Variants in LIMCH1 observed in about 807,000 individuals in gnomAD.
LIMCH1 encodes the protein LIM and calponin homology domains-containing protein 1.
Under a neutral mutation model 176.5 loss-of-function variants are expected in LIMCH1, and 113 were observed. The ratio of observed to expected loss-of-function variants is 0.64; its 90% CI spans 0.55 to 0.75. The LOEUF (loss-of-function observed/expected upper bound fraction) is 0.75. Among genes scored for constraint, LIMCH1 ranks in the 30% least tolerant of loss-of-function variants. The pLI is 0.00. For missense variants in LIMCH1, 1,674 were observed against 1,814.9 expected, an observed-to-expected ratio of 0.92 and a Z score of 1.41; for synonymous variants, 619 against 645.9, an observed-to-expected ratio of 0.96 and a Z score of 0.63.
chr4:41,448,175 T>C (rs1191856066), intron 1 of LIMCH1, among the ~76,000 whole-genome samples: 4 of 152,188 alleles, frequency 2.6e-5, no homozygotes, highest in Admixed American at 6.5e-5. Flanking sequence ...GCATTATTGC[T>C]CTCTCTTGTG....
At chr4:41,410,152 G>A (rs1181934630) in intron 1 of LIMCH1, among the ~76,000 whole-genome samples, 1 of 152,088 alleles carries the variant, frequency 6.6e-6, no homozygotes, top group Non-Finnish European at 1.5e-5. Flanking sequence ...AAAGAGTCAG[G>A]GCTGATTTTA....
chr4:41,666,194 TA>T (rs1359822300), intron 20 of LIMCH1, among the ~76,000 whole-genome samples: 1 of 152,218 alleles, frequency 6.6e-6, no homozygotes, highest in East Asian at 1.9e-4. Context: ...GTGGAACATC[TA>T]AATCTCCTGA....
At chr4:41,644,648 CG>C in intron 15 of LIMCH1, 22 bp downstream of exon 15, 1 of 1,590,604 alleles carries the variant, frequency 6.3e-7, no homozygotes, top group Non-Finnish European at 8.6e-7. Flanking sequence ...CCAAGGCGCG[CG>C]GGCAGCGGGG....
intron 18 of LIMCH1, 103 bp downstream of exon 18, chr4:41,650,711 G>A (rs2094258403): frequency 9.9e-7 from 1 of 1,006,418 alleles, no homozygotes; most frequent in Admixed American, 2.6e-5. Context: ...TTCTTTCTAT[G>A]TTGGCGTATT....
At chr4:41,584,676 T>TTTTG (rs941684135) in intron 1 of LIMCH1, among the ~76,000 whole-genome samples, 8 of 152,314 alleles carry the variant, frequency 5.3e-5, no homozygotes, top group Admixed American at 1.3e-4. Context: ...TTGCTGTTTT[T>TTTTG]TTTGTTTGTT....
chr4:41,593,965 A>G (rs55824127), intron 1 of LIMCH1, among the ~76,000 whole-genome samples: 13,062 of 152,132 alleles, frequency 0.086, 1,806 homozygotes, highest in African/African-American at 0.3. Flanking sequence ...ACGTGTGAAC[A>G]TATATATACA....
At chr4:41,419,468 C>G (rs957508408) in intron 1 of LIMCH1, among the ~76,000 whole-genome samples, 1 of 152,124 alleles carries the variant, frequency 6.6e-6, no homozygotes, top group East Asian at 1.9e-4. Flanking sequence ...GCCACCATAC[C>G]CGGCCAAGTC....
intron 3 of LIMCH1, among the ~76,000 whole-genome samples, chr4:41,528,624 G>A (rs79950281): frequency 0.22 from 32,832 of 152,120 alleles, 3,836 homozygotes; most frequent in African/African-American, 0.26. Context: ...CTGACCGTCT[G>A]TTGATCAAGA....
At chr4:41,661,834 C>CA (rs1203463867) in intron 19 of LIMCH1, 1 of 381,618 alleles carries the variant, frequency 2.6e-6, no homozygotes. Context: ...TTTTGACACA[C>CA]AGTAACAGCA....
At chr4:41,645,962 C>T (rs1354109564) in intron 15 of LIMCH1, among the ~76,000 whole-genome samples, 161 bp from the exon 16 acceptor site, 2 of 152,220 alleles carry the variant, frequency 1.3e-5, no homozygotes, top group East Asian at 3.8e-4. Context: ...ATTCCAGTTC[C>T]AACCAGACTT....
intron 1 of LIMCH1, among the ~76,000 whole-genome samples, chr4:41,578,200 C>T (rs897989462): frequency 7.9e-5 from 12 of 152,164 alleles, no homozygotes; most frequent in Non-Finnish European, 1.5e-4. Context: ...AACTTACAAT[C>T]ATGGCGTAGA....
intron 14 of LIMCH1, among the ~76,000 whole-genome samples, chr4:41,642,615 G>C (rs563788610): frequency 6.6e-6 from 1 of 151,968 alleles, no homozygotes; most frequent in Non-Finnish European, 1.5e-5. Flanking sequence ...CTGGAGTGCA[G>C]TGATGTAATC....
At chr4:41,600,613 C>A (rs368788483) in intron 2 of LIMCH1, among the ~76,000 whole-genome samples, 4 of 152,052 alleles carry the variant, frequency 2.6e-5, no homozygotes, top group East Asian at 3.8e-4. Flanking sequence ...AACTGGGCAT[C>A]AGGAAAATGA....
chr4:41,545,438 A>C (rs2079239293), intron 1 of LIMCH1, among the ~76,000 whole-genome samples: 1 of 152,168 alleles, frequency 6.6e-6, no homozygotes, highest in Non-Finnish European at 1.5e-5. Context: ...ACGAGGGGAG[A>C]GTTACTGTGG....
Position 41,646,144 on chromosome 4 carries a change from C to A in LIMCH1, c.2275C>A (p.Arg759Ser). The part of the protein sequence containing the change: ...WQDDLARWKS[R>S]RRSVSQDLIK... ...CCAGGACCTGGCTCGTTGGAAGAGTCGTAGAAGAAGTGTTTCTCAGGACTT... is the reference window on the plus strand; with the variant it reads ...CCAGGACCTGGCTCGTTGGAAGAGTAGTAGAAGAAGTGTTTCTCAGGACTT... The change falls in exon 16 of 32, where the codon CGT becomes AGT. Residue 759 changes from arginine (R) to serine (S), a missense_variant. Physicochemically the swap from Arg to Ser is moderately radical, Grantham distance 110. Transcript: ENST00000503057. 6.2e-7 allele frequency: 1 copy of A among 1,611,760 alleles called. No homozygotes were observed.
intron 1 of LIMCH1, among the ~76,000 whole-genome samples, chr4:41,421,112 T>A (rs2060570625): frequency 6.6e-6 from 1 of 152,198 alleles, no homozygotes; most frequent in Non-Finnish European, 1.5e-5. Flanking sequence ...GTATTGATAT[T>A]CTGAAGCTAG....
intron 1 of LIMCH1, among the ~76,000 whole-genome samples, chr4:41,424,981 T>C (rs1462577400): frequency 6.6e-6 from 1 of 152,198 alleles, no homozygotes; most frequent in Non-Finnish European, 1.5e-5. Context: ...TGTCTCTCAA[T>C]TGTAAAAATA....
At chr4:41,431,114 C>T (rs73140603) in intron 1 of LIMCH1, among the ~76,000 whole-genome samples, 4,857 of 152,274 alleles carry the variant, frequency 0.032, 225 homozygotes, top group African/African-American at 0.11. Flanking sequence ...GCTCACAGCC[C>T]CATGCTTCTT....
chr4:41,682,538 T>G (rs1716855868), intron 26 of LIMCH1, 78 bp downstream of exon 26: 2 of 1,393,892 alleles, frequency 1.4e-6, no homozygotes, highest in Non-Finnish European at 2.0e-6. Flanking sequence ...GGGTACTCAT[T>G]GCTGATGCAA....
Sources: allele counts gnomAD v4.1 joint callset (sites outside exome capture counted in the v4.1 genomes callset), GRCh38; gene constraint gnomAD v4.1.1; transcripts MANE v1.5; gene names NCBI Gene and HGNC (gene_info 2026-07-23, HGNC 2026-07-21).